FCGR3A: variants seen among roughly 807,000 people sequenced by gnomAD.
FCGR3A encodes Fc gamma receptor IIIa.
In FCGR3A, 13 loss-of-function variants were observed where a neutral mutation model predicts 24.1. That is an observed-to-expected ratio of 0.54 (90% CI 0.35 to 0.86). The LOEUF is 0.86. Among genes scored for constraint, FCGR3A ranks in the 40% least tolerant of loss-of-function variants. The pLI, the probability that FCGR3A is intolerant of heterozygous loss-of-function variation, is 0.01. For synonymous variants in FCGR3A, 93 were observed against 112.2 expected, an observed-to-expected ratio of 0.83 and a Z score of 1.08; for missense variants, 235 against 298.0, an observed-to-expected ratio of 0.79 and a Z score of 1.56.
At chr1:161,543,400 C>T (rs1488559235) in intron 4 of FCGR3A, among the ~76,000 whole-genome samples, 1 of 152,240 alleles carries the variant, frequency 6.6e-6, no homozygotes, top group East Asian at 1.9e-4. Flanking sequence ...GACAGCTCAC[C>T]AAACACTGAG....
In FCGR3A at chr1:161,549,748, G is replaced by A. The variant is rs765855592; in HGVS notation, c.-12C>T. ...AGCAGCTGCCACATGATGCCACACTGGAGTGGACAAGTCACCAAAGATATC... is the reference window on the plus strand; with the variant it reads ...AGCAGCTGCCACATGATGCCACACTAGAGTGGACAAGTCACCAAAGATATC... On this transcript the variant is annotated 5_prime_UTR_variant, in exon 1 of 5. Transcript: ENST00000443193. 6.8e-6 allele frequency: 11 copies of A among 1,613,804 alleles called. No homozygotes were observed. Among genetic ancestry groups the A allele is most frequent in the Non-Finnish European group, 9.3e-6 (11 of 1,179,922 alleles).
In FCGR3A at chr1:161,548,476, C is replaced by G; in HGVS notation, c.264G>C (p.Arg88Ser). The change falls in exon 3 of 5, where the codon AGG (arginine) becomes AGC (serine). Residue 88 changes from arginine to serine, a missense_variant. Physicochemically the swap from Arg to Ser is moderately radical, Grantham distance 110. Coordinates refer to ENST00000443193, the MANE Select transcript of FCGR3A (RefSeq NM_000569.8). ...TGAGGGTGGAGAGGTTTGTCTGGCA[C>G]CTGTACTCTCCACTGTCGTCGACTG... is the stretch of plus-strand genomic sequence containing the variant. ...AATVDDSGEY[R>S]CQTNLSTLSD... is the part of the protein sequence containing the mutation. 6.2e-7 allele frequency: 1 copy of G among 1,614,008 alleles called. No individual in the cohort carries two copies. Among genetic ancestry groups the G allele is most frequent in the South Asian group, 1.1e-5 (1 of 91,076 alleles).
chr1:161,546,896 C>G (rs1444493013), intron 3 of FCGR3A, among the ~76,000 whole-genome samples: 1 of 151,862 alleles, frequency 6.6e-6, no homozygotes, highest in African/African-American at 2.4e-5. Context: ...CAGAGAGAGA[C>G]TCTGTCTCAA....
Sources: gnomAD v4.1 joint callset for allele counts (sites outside exome capture counted in the v4.1 genomes callset) on GRCh38, gnomAD v4.1.1 for gene constraint, MANE v1.5 for transcripts, NCBI Gene and HGNC (gene_info 2026-07-23, HGNC 2026-07-21) for gene names.